Variants in DLGAP2 observed in about 807,000 individuals in gnomAD.
DLGAP2 encodes the protein DLG associated protein 2, also known as disks large-associated protein 2.
A neutral mutation model predicts 100.3 loss-of-function variants in DLGAP2; 26 were observed. The ratio of observed to expected loss-of-function variants is 0.26; its 90% CI spans 0.19 to 0.36. DLGAP2 has a LOEUF of 0.36. Among genes scored for constraint, DLGAP2 ranks in the 10% least tolerant of loss-of-function variants. DLGAP2 has a pLI of 1.00. For synonymous variants in DLGAP2, 886 were observed against 630.1 expected, an observed-to-expected ratio of 1.41 and a Z score of -6.08; for missense variants, 1,858 against 1,453.2, an observed-to-expected ratio of 1.28 and a Z score of -4.53.
chr8:1,668,317 C>G lies in DLGAP2; in HGVS notation c.1811-12C>G, dbSNP rs764977434. ...AACACGCCTGTTGACTTGGGACTTTCTTTTCTTACAGCTGTCTCATATACA... is the reference window on the plus strand; with the variant it reads ...AACACGCCTGTTGACTTGGGACTTTGTTTTCTTACAGCTGTCTCATATACA... On this transcript the variant is annotated splice_polypyrimidine_tract_variant and intron_variant, in intron 8 of 14. Coordinates refer to ENST00000637795, the MANE Select transcript of DLGAP2 (RefSeq NM_001346810.2). 4.8e-6 allele frequency: 7 copies of G among 1,470,550 alleles called. No homozygotes were observed. The South Asian group carries it at 5.8e-5, about 12-fold the overall frequency. The allele number at this position is 1,470,550 out of a possible 1,614,324, so 91.1% of individuals were successfully genotyped here.
At chr8:1,138,567 A>C (rs13277409) in intron 2 of DLGAP2, among the ~76,000 whole-genome samples, 85,322 of 152,128 alleles carry the variant, frequency 0.56, 26,207 homozygotes, top group Non-Finnish European at 0.7. Context: ...CATTAGAAAC[A>C]CGAGAAGACA....
At chr8:1,452,249 G>A (rs908361141) in intron 3 of DLGAP2, among the ~76,000 whole-genome samples, 1 of 152,138 alleles carries the variant, frequency 6.6e-6, no homozygotes, top group Non-Finnish European at 1.5e-5. Context: ...CGTGTTCTGT[G>A]GCCATGTGTT....
intron 2 of DLGAP2, among the ~76,000 whole-genome samples, chr8:984,688 G>A (rs1261227752): frequency 6.6e-6 from 1 of 152,340 alleles, no homozygotes; most frequent in Non-Finnish European, 1.5e-5. Context: ...AAGACAGGAC[G>A]TGATTAGCTG....
intron 1 of DLGAP2, among the ~76,000 whole-genome samples, chr8:855,676 A>G (rs1459719641): frequency 6.6e-6 from 1 of 152,200 alleles, no homozygotes; most frequent in Non-Finnish European, 1.5e-5. Context: ...AAGTGGGATC[A>G]TCGGTTACTG....
chr8:1,581,557 A>C (rs1288158944), intron 6 of DLGAP2, among the ~76,000 whole-genome samples: 1 of 150,502 alleles, frequency 6.6e-6, no homozygotes, highest in Non-Finnish European at 1.5e-5. Flanking sequence ...TCAAACTACC[A>C]GAAAGATACA....
chr8:902,268 C>A (rs956039574), intron 1 of DLGAP2, among the ~76,000 whole-genome samples: 1 of 152,028 alleles, frequency 6.6e-6, no homozygotes, highest in Non-Finnish European at 1.5e-5. Flanking sequence ...CGCTGAGCCC[C>A]CATGGTATCT....
rs567714936 is a variant in DLGAP2 at position 861,981 on chromosome 8, A to T, written c.19-45931A>T. ...AAAAGGCACTTATGCATAAATTCTC[A>T]TCCCACCAACTGTTTAGACTAAATT... On this transcript the variant is annotated intron_variant, in intron 1 of 14. Coordinates refer to ENST00000637795, the MANE Select transcript of DLGAP2 (RefSeq NM_001346810.2). 4.6e-5 allele frequency among the ~76,000 whole-genome samples: 7 copies of T among 152,356 alleles called. No homozygotes were observed. In the South Asian group the frequency reaches 1.4e-3, roughly 32 times the overall value.
chr8:1,028,335 C>G (rs9693245), intron 2 of DLGAP2, among the ~76,000 whole-genome samples: 710 of 48,390 alleles, frequency 0.015, no homozygotes, highest in Middle Eastern at 0.052. Context: ...TTCTCCAGGT[C>G]GGGTGTCAGG....
chr8:1,224,287 T>C (rs780675983), intron 2 of DLGAP2, among the ~76,000 whole-genome samples: 38 of 152,350 alleles, frequency 2.5e-4, no homozygotes, highest in Non-Finnish European at 4.3e-4. Flanking sequence ...AGTTCTCTCA[T>C]ATAAGAGACA....
At chr8:1,454,749 C>T (rs1798257162) in intron 3 of DLGAP2, among the ~76,000 whole-genome samples, 1 of 152,162 alleles carries the variant, frequency 6.6e-6, no homozygotes, top group Non-Finnish European at 1.5e-5. Flanking sequence ...TGAGCAGCAT[C>T]CTAGTCACAG....
chr8:1,062,432 C>T (rs941520297), intron 2 of DLGAP2, among the ~76,000 whole-genome samples: 7 of 152,032 alleles, frequency 4.6e-5, no homozygotes, highest in African/African-American at 7.2e-5. Context: ...TCCACCCAGA[C>T]GCCTCCTGCG....
chr8:1,064,834 AC>A (rs1173911911), intron 2 of DLGAP2, among the ~76,000 whole-genome samples: 1 of 151,792 alleles, frequency 6.6e-6, no homozygotes, highest in Non-Finnish European at 1.5e-5. Context: ...GGTCCGTTTC[AC>A]CCCCCTCCAC....
At chr8:1,231,485 T>C (rs1585172836) in intron 2 of DLGAP2, among the ~76,000 whole-genome samples, 1 of 152,186 alleles carries the variant, frequency 6.6e-6, no homozygotes, top group East Asian at 1.9e-4. Flanking sequence ...TTACTGGCTA[T>C]GTATCCAAAA....
At chr8:1,661,800 C>T (rs915881519) in intron 8 of DLGAP2, among the ~76,000 whole-genome samples, 1 of 152,186 alleles carries the variant, frequency 6.6e-6, no homozygotes, top group Admixed American at 6.5e-5. Flanking sequence ...CTAGGAGGGT[C>T]AGTTTCTATG....
chr8:864,204 G>A (rs1797447466), intron 1 of DLGAP2, among the ~76,000 whole-genome samples: 2 of 152,126 alleles, frequency 1.3e-5, no homozygotes, highest in South Asian at 4.1e-4. Flanking sequence ...GGGAGGACAG[G>A]GATGCAGGAA....
chr8:1,591,142 C>T (rs1046435837), intron 6 of DLGAP2, among the ~76,000 whole-genome samples: 2 of 152,198 alleles, frequency 1.3e-5, no homozygotes, highest in Non-Finnish European at 2.9e-5. Context: ...CAGCCCTTAG[C>T]CCTGTCCAGA....
intron 6 of DLGAP2, among the ~76,000 whole-genome samples, chr8:1,574,574 C>T (rs1802886340): frequency 6.6e-6 from 1 of 152,164 alleles, no homozygotes; most frequent in Admixed American, 6.5e-5. Context: ...CCCACCAGAG[C>T]CTCAATACCA....
intron 1 of DLGAP2, among the ~76,000 whole-genome samples, chr8:894,538 C>A (rs916538075): frequency 2.0e-5 from 3 of 149,692 alleles, no homozygotes; most frequent in Non-Finnish European, 4.4e-5. Context: ...ACAAGCACAG[C>A]TGATCTCACT....
At chr8:1,315,371 A>G (rs1317752759) in intron 3 of DLGAP2, among the ~76,000 whole-genome samples, 1 of 144,112 alleles carries the variant, frequency 6.9e-6, no homozygotes, top group Non-Finnish European at 1.5e-5. Context: ...ATGCGAGTGC[A>G]GCGTCTCTCC....
Sources: gnomAD v4.1 joint callset for allele counts (sites outside exome capture counted in the v4.1 genomes callset) on GRCh38, gnomAD v4.1.1 for gene constraint, MANE v1.5 for transcripts, NCBI Gene and HGNC (gene_info 2026-07-23, HGNC 2026-07-21) for gene names.